Variants in U2SURP observed in about 807,000 individuals in gnomAD.
U2SURP encodes U2 snRNP-associated SURP motif-containing protein.
U2SURP carries 9 observed loss-of-function variants against 144.9 expected under a neutral mutation model. The ratio of observed to expected loss-of-function variants is 0.06; its 90% CI spans 0.04 to 0.11. U2SURP has a LOEUF of 0.11. U2SURP is among the 10% of genes least tolerant of loss of function. The pLI, the probability that U2SURP is intolerant of heterozygous loss-of-function variation, is 1.00. For synonymous variants in U2SURP, 408 were observed against 396.8 expected (o/e 1.03, Z -0.33); for missense variants, 724 against 1,226.7 (o/e 0.59, Z 6.12).
intron 24 of U2SURP, among the ~76,000 whole-genome samples, chr3:143,046,337 T>C (rs1934455602): frequency 6.8e-6 from 1 of 147,004 alleles, no homozygotes; most frequent in Non-Finnish European, 1.5e-5. Context: ...TATTTTTTTT[T>C]TTATTGATCA....
At position 143,050,369 on chromosome 3, in the gene U2SURP, G is replaced by A. The variant is rs148411110; in HGVS notation, c.2545-570G>A. ...ATTACAGGCGTGAGCCACTGCGCCC[G>A]GCCTGGTCTGTTTTAATCAGTATTT... On this transcript the variant is annotated intron_variant, in intron 24 of 27. Coordinates refer to ENST00000473835, the MANE Select transcript of U2SURP (RefSeq NM_001080415.2). Among the ~76,000 whole-genome samples, 773 of 152,208 alleles carry A rather than the reference G, an allele frequency of 5.1e-3. 6 individuals are homozygous for A. Among genetic ancestry groups the A allele is most frequent in the African/African-American group, 0.018 (752 of 41,518 alleles).
At position 143,020,890 on chromosome 3, in the gene U2SURP, A is replaced by C. The variant is rs117598653; in HGVS notation, c.733+197A>C. ...GCACAGTAAGAGATTAACAACAATA[A>C]GTAATAGAACAATTATAACAATATA... On this transcript the variant is annotated intron_variant, in intron 8 of 27. Transcript: ENST00000473835. 1.0e-3 allele frequency among the ~76,000 whole-genome samples: 155 copies of C among 152,336 alleles called. 1 individual carries two copies. In the East Asian group the frequency reaches 0.027, roughly 26 times the overall value.
intron 25 of U2SURP, among the ~76,000 whole-genome samples, chr3:143,052,484 A>G (rs1934938301): frequency 6.6e-6 from 1 of 152,228 alleles, no homozygotes; most frequent in Non-Finnish European, 1.5e-5. Flanking sequence ...GCAAGCACAA[A>G]ATACATAATA....
rs1275633835 is a variant in U2SURP, at chr3:143,043,092, C to T, written c.2385-25C>T. The T allele has an allele frequency of 2.5e-6, 4 of 1,582,374 alleles. No individual in the cohort carries two copies. In the East Asian group the frequency reaches 6.7e-5, roughly 27 times the overall value. On this transcript the variant is annotated intron_variant, in intron 23 of 27. Transcript: ENST00000473835. ...GGTACTCTCTTGCTGCCTTGACATACAATGTATTCTGCTTGTTTCTAAAGT... is the reference window on the plus strand; with the variant it reads ...GGTACTCTCTTGCTGCCTTGACATATAATGTATTCTGCTTGTTTCTAAAGT...
chr3:143,025,448 A>T (rs1240865996), intron 13 of U2SURP, among the ~76,000 whole-genome samples: 1 of 152,150 alleles, frequency 6.6e-6, no homozygotes, highest in African/African-American at 2.4e-5. Flanking sequence ...CTTAATTCAC[A>T]CAAGTTTCTG....
At position 143,014,342 on chromosome 3, in the gene U2SURP, G is replaced by A. The variant is rs1277725381; in HGVS notation, c.254G>A (p.Ser85Asn). 1 of 1,608,586 alleles carries A rather than the reference G, an allele frequency of 6.2e-7. No individual in the cohort carries two copies. Among genetic ancestry groups the A allele is most frequent in the Non-Finnish European group, 8.5e-7 (1 of 1,177,138 alleles). Reference protein sequence around the residue: ...PLLENKLKAFSIGKMSTAKRT... With the variant: ...PLLENKLKAFNIGKMSTAKRT... ...CTGGAAAACAAACTTAAAGCATTCA[G>A]TATTGGAAAAATGAGTACAGCTAAG... The change falls in exon 4 of 28, where the codon AGT (serine) becomes AAT (asparagine). Residue 85 changes from serine (S) to asparagine (N), a missense_variant. By Grantham distance (46) the Ser-to-Asn change is conservative (BLOSUM62 1). Transcript: ENST00000473835.
In U2SURP at chr3:143,059,583, GTAAAT is replaced by G. The variant is rs1935294862; in HGVS notation, c.*3134_*3138del. On this transcript the variant is annotated 3_prime_UTR_variant, in exon 28 of 28. Transcript: ENST00000473835. Reference sequence around the variant, plus strand: ...ATCATTATTGTTATTCAAAATAAGGGTAAATAAATCTCTGTATTGCCAAAGTGACT... The same window carrying G: ...ATCATTATTGTTATTCAAAATAAGGGAAATCTCTGTATTGCCAAAGTGACT... 1 of 151,884 alleles carries G rather than the reference GTAAAT, an allele frequency of 6.6e-6. No individual in the cohort carries two copies. Among genetic ancestry groups the G allele is most frequent in the African/African-American group, 2.4e-5 (1 of 41,408 alleles). 9.4% of individuals were successfully genotyped at this position (151,884 alleles called of 1,614,324 possible).
intron 8 of U2SURP, 115 bp downstream of exon 8, chr3:143,020,808 A>G: frequency 4.1e-6 from 3 of 734,908 alleles, no homozygotes; most frequent in Non-Finnish European, 6.8e-6. Context: ...CCATGGATAT[A>G]TACTATCCTT....
chr3:143,037,138 G>A, intron 20 of U2SURP, 41 bp from the exon 21 acceptor site: 1 of 1,580,644 alleles, frequency 6.3e-7, no homozygotes, highest in Non-Finnish European at 8.6e-7. Flanking sequence ...TGTGACTTCA[G>A]CAAGCAAAGG....
intron 3 of U2SURP, among the ~76,000 whole-genome samples, chr3:143,012,768 C>T (rs1045030914): frequency 2.0e-5 from 3 of 152,094 alleles, no homozygotes; most frequent in African/African-American, 7.2e-5. Context: ...GCTATTCACT[C>T]TAATGAGTGC....
chr3:143,056,540 GA>G lies in U2SURP; in HGVS notation c.*93del. ...TTTTTAAAAAAACAAAAAATCAAAT[GA>G]AAGAGCATTCCTGGGGTTTTTTGTT... On this transcript the variant is annotated 3_prime_UTR_variant, in exon 28 of 28. Coordinates refer to ENST00000473835, the MANE Select transcript of U2SURP (RefSeq NM_001080415.2). The G allele has an allele frequency of 6.7e-7, 1 of 1,494,238 alleles. No individual in the cohort carries two copies. The highest frequency in any genetic ancestry group is 2.2e-5 in the Admixed American group (1 of 44,552). 92.6% of individuals were successfully genotyped at this position (1,494,238 alleles called of 1,614,324 possible).
In U2SURP at chr3:143,028,647, G is replaced by GT. The variant is rs1332900317; in HGVS notation, c.1610+2dup. On this transcript the variant is annotated splice_donor_variant, in intron 16 of 27. Coordinates refer to ENST00000473835, the MANE Select transcript of U2SURP (RefSeq NM_001080415.2). LOFTEE classifies it high-confidence loss of function. The stretch of plus-strand genomic sequence containing the variant: ...GTAAAAAGGGAGCACTTAAGGAAGA[G>GT]TAAGATATTTTTCCTTTCTATTATA... The GT allele has an allele frequency of 1.9e-6, 3 of 1,588,384 alleles. No individual in the cohort carries two copies.
rs1343503164 is a variant in U2SURP at position 143,035,990 on chromosome 3, A to G, written c.1950A>G (p.Val650=). ...HLQSENFKQR[V]MTCFRAWEDW... ...GTTTCCTGTTTCTTTAGCAACGGGT[A>G]ATGACTTGCTTCAGAGCATGGGAAG... Residue 650 remains valine (V), a synonymous_variant, in exon 20 of 28, where the codon GTA becomes GTG. Transcript: ENST00000473835. 1.3e-5 allele frequency: 21 copies of G among 1,601,444 alleles called. No individual in the cohort carries two copies. Among genetic ancestry groups the G allele is most frequent in the Non-Finnish European group, 1.8e-5 (21 of 1,176,256 alleles).
In U2SURP at chr3:143,027,134, G is replaced by GTGT. The variant is rs769326087; in HGVS notation, c.1275-5_1275-3dup. The GTGT allele has an allele frequency of 1.3e-6, 2 of 1,594,290 alleles. No individual in the cohort carries two copies. Among genetic ancestry groups the GTGT allele is most frequent in the Non-Finnish European group, 1.7e-6 (2 of 1,162,640 alleles). ...AGGTCTGAATCCATTTTCTTTAACTGTGTTGTTGTTGTAGGAATTTGCTCG... is the reference window on the plus strand; with the variant it reads ...AGGTCTGAATCCATTTTCTTTAACTGTGTTGTTGTTGTTGTAGGAATTTGCTCG... On this transcript the variant is annotated splice_polypyrimidine_tract_variant and intron_variant, in intron 13 of 27. Transcript: ENST00000473835.
At chr3:143,019,945 T>C (rs1032129683) in intron 6 of U2SURP, 24 bp from the exon 7 acceptor site, 27 of 1,390,798 alleles carry the variant, frequency 1.9e-5, no homozygotes, top group Non-Finnish European at 2.5e-5. Context: ...TTGTTTGAAG[T>C]ATAACTTGTC....
rs958838081 is a variant in U2SURP at position 143,027,586 on chromosome 3, A to G, written c.1379+333A>G. Among the ~76,000 whole-genome samples, 8 of 152,320 alleles carry G rather than the reference A, an allele frequency of 5.3e-5. No homozygotes were observed. The South Asian group carries it at 1.7e-3, about 32-fold the overall frequency. On this transcript the variant is annotated intron_variant, in intron 14 of 27. Coordinates refer to ENST00000473835, the MANE Select transcript of U2SURP (RefSeq NM_001080415.2). ...TTATTTCATTTAGCATAATGTCCTC[A>G]GGATTCATCTGTATTATAGCATGTA...
intron 1 of U2SURP, among the ~76,000 whole-genome samples, chr3:143,003,417 TA>T (rs1935640074): frequency 6.6e-6 from 1 of 152,186 alleles, no homozygotes; most frequent in African/African-American, 2.4e-5. Context: ...GCAGATTGCT[TA>T]AACTCTGGAG....
At position 143,059,237 on chromosome 3, in the gene U2SURP, T is replaced by G. The variant is rs538019144; in HGVS notation, c.*2787T>G. 1 of 152,484 alleles carries G rather than the reference T, an allele frequency of 6.6e-6. No homozygotes were observed. Among genetic ancestry groups the G allele is most frequent in the South Asian group, 2.1e-4 (1 of 4,828 alleles). The allele number at this position is 152,484 out of a possible 1,614,324, so 9.4% of individuals were successfully genotyped here. The stretch of plus-strand genomic sequence containing the variant: ...TGAATCAAAAGATCTTTGCTTTTAT[T>G]TGGCTCAGAATGTTTTTGGCTTTTC... On this transcript the variant is annotated 3_prime_UTR_variant, in exon 28 of 28. Transcript: ENST00000473835.
chr3:143,041,823 G>A (rs1048604644), intron 23 of U2SURP, among the ~76,000 whole-genome samples: 1 of 151,904 alleles, frequency 6.6e-6, no homozygotes, highest in Non-Finnish European at 1.5e-5. Context: ...AGTATTAAAG[G>A]CAAAACAGCG....
Sources: allele counts gnomAD v4.1 joint callset (sites outside exome capture counted in the v4.1 genomes callset), GRCh38; gene constraint gnomAD v4.1.1; transcripts MANE v1.5; gene names NCBI Gene and HGNC (gene_info 2026-07-23, HGNC 2026-07-21).